Variants in ABLIM1 observed in about 807,000 individuals in gnomAD.
ABLIM1 encodes the protein actin-binding LIM protein 1.
Under a neutral mutation model 107.0 loss-of-function variants are expected in ABLIM1, and 40 were observed. That is an observed-to-expected ratio of 0.37 (90% confidence interval 0.29 to 0.49). The LOEUF is 0.49. Ranked by LOEUF, ABLIM1 falls within the 20% of genes least tolerant of loss-of-function variation. The pLI, the probability that ABLIM1 is intolerant of heterozygous loss-of-function variation, is 0.97. For missense variants in ABLIM1, 857 were observed against 1,008.5 expected (o/e 0.85, Z 2.04); for synonymous variants, 357 against 357.3 (o/e 1.00, Z 0.01).
rs929611767 is a variant in ABLIM1, at chr10:114,478,735, C to T, written c.1042-4779G>A. Among the ~76,000 whole-genome samples, 4 of 152,156 alleles carry T rather than the reference C, an allele frequency of 2.6e-5. No individual in the cohort carries two copies. The East Asian group carries it at 5.8e-4, about 22-fold the overall frequency. ...CGTCTTGGGCAGTTCTTTATAGCAG[C>T]GTGAAAATGGACTAATACACTTGGA... On this transcript the variant is annotated intron_variant, in intron 8 of 22. Coordinates refer to ENST00000533213, the MANE Select transcript of ABLIM1 (RefSeq NM_002313.7).
At chr10:114,547,357 A>G (rs905132429) in intron 5 of ABLIM1, 7 of 318,140 alleles carry the variant, frequency 2.2e-5, no homozygotes, top group Non-Finnish European at 3.5e-5. Context: ...AGGAGAATGA[A>G]CAGCAACAGG....
At chr10:114,684,438 G>C in exon 1 of ABLIM1, 1 of 1,585,860 alleles carries the variant, frequency 6.3e-7, no homozygotes. Context: ...GAGAGGCTGG[G>C]GCCCTGGCTC....
intron 1 of ABLIM1, among the ~76,000 whole-genome samples, chr10:114,605,352 A>G (rs1384851591): frequency 6.6e-6 from 1 of 152,232 alleles, no homozygotes; most frequent in East Asian, 1.9e-4. Flanking sequence ...CAATACAGAC[A>G]TGACATTGAT....
rs75534280 is a variant in ABLIM1, at chr10:114,589,055, A to G, written c.379+12772T>C. Among the ~76,000 whole-genome samples, 709 of 152,316 alleles carry G rather than the reference A, an allele frequency of 4.7e-3. 7 individuals are homozygous for G. The highest frequency in any genetic ancestry group is 0.015 in the African/African-American group (625 of 41,556). On this transcript the variant is annotated intron_variant, in intron 2 of 22. Coordinates refer to ENST00000533213, the MANE Select transcript of ABLIM1 (RefSeq NM_002313.7). ...TCACCTAGTGACGACTTGGCCTAGT[A>G]TAATGTGTACATTTATGTTTTAGTT...
At chr10:114,564,207 A>G (rs1565946403) in intron 4 of ABLIM1, among the ~76,000 whole-genome samples, 2 of 151,064 alleles carry the variant, frequency 1.3e-5, no homozygotes, top group African/African-American at 4.9e-5. Context: ...TTCCAACTTC[A>G]CTTCTCAAGA....
intron 1 of ABLIM1, chr10:114,764,788 A>T (rs1464430698): frequency 1.3e-5 from 2 of 152,332 alleles, no homozygotes; most frequent in African/African-American, 4.8e-5. Flanking sequence ...TCTGACATTC[A>T]ATTCAGACTG....
At chr10:114,569,830 C>A (rs1426531185) in intron 4 of ABLIM1, among the ~76,000 whole-genome samples, 1 of 152,172 alleles carries the variant, frequency 6.6e-6, no homozygotes, top group Non-Finnish European at 1.5e-5. Context: ...CCTACCCAAG[C>A]TGCTGTTATT....
intron 6 of ABLIM1, among the ~76,000 whole-genome samples, chr10:114,529,345 G>A (rs574792485): frequency 2.0e-5 from 3 of 151,908 alleles, no homozygotes; most frequent in African/African-American, 7.3e-5. Flanking sequence ...GGATGGTCTC[G>A]ATCTCTTGAA....
intron 6 of ABLIM1, among the ~76,000 whole-genome samples, chr10:114,515,827 G>C (rs1437690877): frequency 6.6e-6 from 1 of 152,178 alleles, no homozygotes; most frequent in Admixed American, 6.5e-5. Context: ...TTGGTGTTTT[G>C]TTGCCATAAG....
intron 6 of ABLIM1, among the ~76,000 whole-genome samples, chr10:114,513,730 G>A (rs922471238): frequency 3.3e-5 from 5 of 152,182 alleles, no homozygotes; most frequent in Admixed American, 6.5e-5. Context: ...AGTGCTTCCT[G>A]TCTAGCACAG....
chr10:114,536,276 T>C (rs1359657414), intron 6 of ABLIM1, among the ~76,000 whole-genome samples: 1 of 128,034 alleles, frequency 7.8e-6, no homozygotes, highest in African/African-American at 2.9e-5. Context: ...AGATGGAGTC[T>C]CACTCTTGTC....
At chr10:114,702,911 A>G (rs2081336542) in intron 1 of ABLIM1, among the ~76,000 whole-genome samples, 1 of 152,116 alleles carries the variant, frequency 6.6e-6, no homozygotes, top group Admixed American at 6.6e-5. Context: ...AAGCTCTCAA[A>G]TGTTCTTAAA....
intron 1 of ABLIM1, among the ~76,000 whole-genome samples, chr10:114,737,809 T>C (rs1326583220): frequency 6.6e-6 from 1 of 152,154 alleles, no homozygotes; most frequent in African/African-American, 2.4e-5. Flanking sequence ...GATTTCTCTC[T>C]TGCAGATTCA....
At chr10:114,468,058 C>T (rs2133741431) in intron 11 of ABLIM1, 123 bp downstream of exon 11, 3 of 838,680 alleles carry the variant, frequency 3.6e-6, no homozygotes, top group Non-Finnish European at 6.0e-6. Context: ...GCCACCATAA[C>T]CCCACATGCA....
At chr10:114,779,592 A>G in the ABLIM1 span, 1 of 152,162 alleles carries the variant, frequency 6.6e-6, no homozygotes, top group South Asian at 2.1e-4. Flanking sequence ...AGAAATATGT[A>G]TTTTTATGTA....
At chr10:114,567,877 G>A (rs2070990424) in intron 4 of ABLIM1, among the ~76,000 whole-genome samples, 1 of 152,174 alleles carries the variant, frequency 6.6e-6, no homozygotes, top group South Asian at 2.1e-4. Flanking sequence ...CATTATCAAG[G>A]GAGAGATTCA....
intron 1 of ABLIM1, among the ~76,000 whole-genome samples, chr10:114,717,461 C>A (rs1343820248): frequency 6.6e-6 from 1 of 152,134 alleles, no homozygotes; most frequent in Non-Finnish European, 1.5e-5. Flanking sequence ...TGCTATCATG[C>A]ACATTGTAGG....
chr10:114,694,307 T>C lies in ABLIM1; in HGVS notation c.-213+73754A>G, dbSNP rs2081151223. ...AAAACATCACGGACTTCCTAGACTC[T>C]GCAGTCACTTGGGGTTGCATTCTGG... On this transcript the variant is annotated intron_variant, in intron 1 of 15. Coordinates refer to the ABLIM1 transcript ENST00000651092. Among the ~76,000 whole-genome samples the C allele has an allele frequency of 2.0e-5, 3 of 152,300 alleles. 1 individual carries two copies. Among genetic ancestry groups the C allele is most frequent in the South Asian group, 4.1e-4 (2 of 4,828 alleles).
intron 2 of ABLIM1, among the ~76,000 whole-genome samples, chr10:114,589,596 T>G (rs2074624069): frequency 6.6e-6 from 1 of 151,270 alleles, no homozygotes; most frequent in Non-Finnish European, 1.5e-5. Flanking sequence ...CAGTGGCTAA[T>G]CACAGGTGCG....
Sources: gnomAD v4.1 joint callset for allele counts (sites outside exome capture counted in the v4.1 genomes callset) on GRCh38, gnomAD v4.1.1 for gene constraint, MANE v1.5 for transcripts, NCBI Gene and HGNC (gene_info 2026-07-23, HGNC 2026-07-21) for gene names.